The following HSD17B7 variants were observed in gnomAD, a reference collection of about 807,000 sequenced individuals.
HSD17B7 encodes 3-keto-steroid reductase/17-beta-hydroxysteroid dehydrogenase 7.
HSD17B7 carries 17 observed loss-of-function variants against 34.1 expected under a neutral mutation model. That is an observed-to-expected ratio of 0.50 (90% CI 0.34 to 0.75). The LOEUF is 0.75. HSD17B7 is among the 30% of genes least tolerant of loss of function. The probability of loss-of-function intolerance (pLI) is 0.01; values close to 1 mark genes in which losing one functional copy is unlikely to be tolerated. For synonymous variants in HSD17B7, 122 were observed against 154.6 expected, an observed-to-expected ratio of 0.79 and a Z score of 1.56; for missense variants, 296 against 406.6, an observed-to-expected ratio of 0.73 and a Z score of 2.34.
At chr1:162,796,294 G>C (rs2102230866) in intron 2 of HSD17B7, among the ~76,000 whole-genome samples, 1 of 152,150 alleles carries the variant, frequency 6.6e-6, no homozygotes, top group Admixed American at 6.5e-5. Flanking sequence ...ATTGATCAGA[G>C]GTTTTACTTA....
intron 2 of HSD17B7, among the ~76,000 whole-genome samples, chr1:162,793,825 C>G (rs1385559990): frequency 2.0e-5 from 3 of 152,042 alleles, no homozygotes; most frequent in Non-Finnish European, 2.9e-5. Flanking sequence ...GGAAGGTCAT[C>G]CAATCTTATA....
chr1:162,804,885 G>T (rs535461308), intron 7 of HSD17B7, among the ~76,000 whole-genome samples: 1 of 152,152 alleles, frequency 6.6e-6, no homozygotes, highest in Non-Finnish European at 1.5e-5. Flanking sequence ...CTATACACAC[G>T]TGATGTCTCT....
chr1:162,794,281 A>G (rs1192705369), intron 2 of HSD17B7, among the ~76,000 whole-genome samples: 1 of 152,202 alleles, frequency 6.6e-6, no homozygotes, highest in Non-Finnish European at 1.5e-5. Context: ...TGTTTGCTGA[A>G]TAAAAATACT....
At chr1:162,804,859 A>G (rs967480688) in intron 7 of HSD17B7, among the ~76,000 whole-genome samples, 1 of 152,224 alleles carries the variant, frequency 6.6e-6, no homozygotes, top group African/African-American at 2.4e-5. Flanking sequence ...CTAATGGGCT[A>G]TAATACTCCT....
chr1:162,793,027 C>CT, intron 2 of HSD17B7, 165 bp downstream of exon 2: 3 of 319,796 alleles, frequency 9.4e-6, no homozygotes, highest in Non-Finnish European at 1.6e-5. Flanking sequence ...ACCACGTTTT[C>CT]TTTCTTTTTT....
chr1:162,799,516 A>G, intron 4 of HSD17B7: 1 of 399,318 alleles, frequency 2.5e-6, no homozygotes, highest in Non-Finnish European at 4.5e-6. Context: ...AGTGTCTTCT[A>G]AACCCTCTCT....
At chr1:162,804,388 G>T (rs1219032740) in intron 7 of HSD17B7, 65 bp downstream of exon 7, 1 of 992,704 alleles carries the variant, frequency 1.0e-6, no homozygotes. Context: ...AGGTTCACTC[G>T]TAGTAGAAAT....
Position 162,796,637 on chromosome 1 carries a change from C to T in HSD17B7, c.292C>T (p.Gln98Ter). 3.7e-6 allele frequency: 6 copies of T among 1,612,408 alleles called. No homozygotes were observed. The highest frequency in any genetic ancestry group is 5.1e-6 in the Non-Finnish European group (6 of 1,178,580). Residue 98 changes from glutamine (Q) to a stop codon, truncating the protein, a stop_gained, in exon 3 of 9, where the codon CAA (glutamine) becomes TAA (stop). Coordinates refer to ENST00000254521, the MANE Select transcript of HSD17B7 (RefSeq NM_016371.4). LOFTEE classifies it high-confidence loss of function. ...YLNAGIMPNP[Q>*]LNIKALFFGL... ...AAATGCTGGGATCATGCCTAATCCA[C>T]AACTAAATATCAAAGCACTTTTCTT...
chr1:162,794,773 C>T (rs1452878771), intron 2 of HSD17B7, among the ~76,000 whole-genome samples: 2 of 151,982 alleles, frequency 1.3e-5, no homozygotes, highest in Non-Finnish European at 1.5e-5. Flanking sequence ...TATCCCATTC[C>T]GATGCAGTTT....
chr1:162,803,137 C>A (rs1189217502), intron 5 of HSD17B7: 5 of 193,144 alleles, frequency 2.6e-5, no homozygotes, highest in Non-Finnish European at 5.4e-5. Flanking sequence ...TAACCAGGCC[C>A]TGCTTTTCTC....
chr1:162,796,438 C>T, intron 2 of HSD17B7, 147 bp from the exon 3 acceptor site: 1 of 498,308 alleles, frequency 2.0e-6, no homozygotes, highest in Non-Finnish European at 3.6e-6. Flanking sequence ...TTCTTCTGAA[C>T]TTGCTGTGGC....
chr1:162,809,660 T>G (rs2102238080), intron 8 of HSD17B7, among the ~76,000 whole-genome samples: 1 of 152,290 alleles, frequency 6.6e-6, no homozygotes, highest in East Asian at 1.9e-4. Context: ...TATTGGTCTA[T>G]TCAGAGATTT....
At chr1:162,807,818 GTTGT>G (rs1649035455) in intron 8 of HSD17B7, among the ~76,000 whole-genome samples, 1 of 152,090 alleles carries the variant, frequency 6.6e-6, no homozygotes, top group African/African-American at 2.4e-5. Context: ...TGTTGATGGG[GTTGT>G]TTGTTTTTTT....
At chr1:162,794,478 CAAAA>C (rs1648533389) in intron 2 of HSD17B7, among the ~76,000 whole-genome samples, 1 of 151,948 alleles carries the variant, frequency 6.6e-6, no homozygotes, top group South Asian at 2.1e-4. Flanking sequence ...GAAAAAAAAA[CAAAA>C]AACCTGAGAT....
chr1:162,801,889 A>G (rs1305513319), intron 5 of HSD17B7, among the ~76,000 whole-genome samples: 5 of 152,218 alleles, frequency 3.3e-5, no homozygotes, highest in Admixed American at 3.3e-4. Flanking sequence ...TTAAGTCTCA[A>G]TTATCAAGTG....
Position 162,810,453 on chromosome 1 carries a change from A to T in HSD17B7, c.904-1845A>T, listed in dbSNP as rs183907575. ...GGATTTGGGGTGGAGAGTTCTGTAG[A>T]TGTCTATTAGGTCTGATTGGTGCAG... On this transcript the variant is annotated intron_variant, in intron 8 of 8. Transcript: ENST00000254521. Among the ~76,000 whole-genome samples the T allele has an allele frequency of 3.4e-3, 523 of 152,334 alleles. 2 individuals carry two copies. Among genetic ancestry groups the T allele is most frequent in the Middle Eastern group, 0.014 (4 of 294 alleles).
intron 2 of HSD17B7, among the ~76,000 whole-genome samples, chr1:162,796,021 AT>A (rs34321369): frequency 0.62 from 94,761 of 152,030 alleles, 33,527 homozygotes; most frequent in Non-Finnish European, 0.8. Flanking sequence ...AACTTTCATC[AT>A]TTTAGGATAC....
rs2997364 is a variant in HSD17B7, at chr1:162,793,223, C to T, written c.239+361C>T. Among the ~76,000 whole-genome samples, 4 of 152,144 alleles carry T rather than the reference C, an allele frequency of 2.6e-5. No individual in the cohort carries two copies. The East Asian group carries it at 5.8e-4, about 22-fold the overall frequency. On this transcript the variant is annotated intron_variant, in intron 2 of 8. Coordinates refer to ENST00000254521, the MANE Select transcript of HSD17B7 (RefSeq NM_016371.4). ...TTAATTTTTGTATTTTTAGTAGAGA[C>T]GGGGTTTTACCATGTTGGTCAGGCT...
intron 2 of HSD17B7, among the ~76,000 whole-genome samples, chr1:162,794,149 C>G (rs565359247): frequency 1.3e-5 from 2 of 152,202 alleles, no homozygotes; most frequent in South Asian, 4.1e-4. Flanking sequence ...CTATGCTGCC[C>G]TAGGGCTATC....
Sources: allele counts gnomAD v4.1 joint callset (sites outside exome capture counted in the v4.1 genomes callset), GRCh38; gene constraint gnomAD v4.1.1; transcripts MANE v1.5; gene names NCBI Gene and HGNC (gene_info 2026-07-23, HGNC 2026-07-21).